COLEC11: variants seen among roughly 807,000 people sequenced by gnomAD.
COLEC11 encodes the protein collectin subfamily member 11, also known as collectin-11.
In COLEC11, 20 loss-of-function variants were observed where a neutral mutation model predicts 27.3. That is an observed-to-expected ratio of 0.73 (90% CI 0.51 to 1.06). The LOEUF (loss-of-function observed/expected upper bound fraction) is 1.06, where lower values mean the gene tolerates loss of function less well. Ranked by LOEUF, COLEC11 falls within the 50% of genes least tolerant of loss-of-function variation. The pLI, the probability that COLEC11 is intolerant of heterozygous loss-of-function variation, is 0.00. For synonymous variants in COLEC11, 163 were observed against 154.7 expected (o/e 1.05, Z -0.40); for missense variants, 310 against 383.0 (o/e 0.81, Z 1.59).
In COLEC11 at chr2:3,621,987, G is replaced by A. The variant is rs138992210; in HGVS notation, c.202+8605G>A. Among the ~76,000 whole-genome samples the A allele has an allele frequency of 4.4e-3, 671 of 152,070 alleles. 4 individuals are homozygous for A. The highest frequency in any genetic ancestry group is 0.015 in the African/African-American group (640 of 41,490). Reference sequence around the variant, plus strand: ...AGGTCAGGAGTTCAAGACCAGCCTGGCCAGCATGGTGAAACCTCGTCTCTA... The same window carrying A: ...AGGTCAGGAGTTCAAGACCAGCCTGACCAGCATGGTGAAACCTCGTCTCTA... On this transcript the variant is annotated intron_variant, in intron 3 of 6. Transcript: ENST00000349077.
chr2:3,601,729 G>C (rs13003107), intron 1 of COLEC11, among the ~76,000 whole-genome samples: 45,532 of 152,022 alleles, frequency 0.3, 7,105 homozygotes, highest in Middle Eastern at 0.46. Flanking sequence ...GCTCTCCCAC[G>C]CGCGTGCCCA....
In COLEC11 at chr2:3,602,131, G is replaced by A. The variant is rs998630127; in HGVS notation, c.-26-2184G>A. The A allele has an allele frequency of 1.3e-5, 2 of 152,214 alleles. No homozygotes were observed. The highest frequency in any genetic ancestry group is 1.9e-4 in the East Asian group (1 of 5,174). The allele number at this position is 152,214 out of a possible 1,614,324, so 9.4% of individuals were successfully genotyped here. ...CTGGCTTTTGTAGCAGGGCTCTCACGGGGCTGTTGATGTGGGAAGCCCCCC... is the reference window on the plus strand; with the variant it reads ...CTGGCTTTTGTAGCAGGGCTCTCACAGGGCTGTTGATGTGGGAAGCCCCCC... On this transcript the variant is annotated intron_variant, in intron 1 of 6. Transcript: ENST00000349077. This position sits in a 1 kb window ranked among gnomAD's most constrained non-coding sequence, Gnocchi z 6.2.
rs187520265 is a variant in COLEC11, at chr2:3,603,900, G to A, written c.-26-415G>A. The A allele has an allele frequency of 7.1e-4, 418 of 587,586 alleles. 2 individuals carry two copies. The highest frequency in any genetic ancestry group is 6.2e-3 in the African/African-American group (332 of 53,678). The allele number at this position is 587,586 out of a possible 1,614,324, so 36.4% of individuals were successfully genotyped here. ...TTGGGGCTCCTCAGGCGCCTTGGCT[G>A]TTTCCTTTAGCTGTATCTCAGCCTC... On this transcript the variant is annotated intron_variant, in intron 1 of 6. Transcript: ENST00000349077.
intron 1 of COLEC11, 198 bp from the exon 2 acceptor site, chr2:3,604,117 C>T: frequency 1.6e-6 from 1 of 640,418 alleles, no homozygotes; most frequent in Admixed American, 2.7e-5. Context: ...CTGGTGCTGA[C>T]CCTGGGGCTG....
At chr2:3,631,138 G>C (rs1664965876) in intron 3 of COLEC11, among the ~76,000 whole-genome samples, 1 of 152,008 alleles carries the variant, frequency 6.6e-6, no homozygotes, top group Admixed American at 6.6e-5. Flanking sequence ...GACTGAGGCA[G>C]GAGAATCACT....
chr2:3,643,841 C>G lies in COLEC11; in HGVS notation c.539C>G (p.Pro180Arg). 6.2e-7 allele frequency: 1 copy of G among 1,613,572 alleles called. No homozygotes were observed. The highest frequency in any genetic ancestry group is 1.1e-5 in the South Asian group (1 of 91,082). Residue 180 changes from proline to arginine, a missense_variant, in exon 7 of 7, where the codon CCC becomes CGC. Physicochemically the swap from Pro to Arg is moderately radical, Grantham distance 103. Coordinates refer to ENST00000349077, the MANE Select transcript of COLEC11 (RefSeq NM_024027.5). ...GGCCGCGGGGGCACGCTGAGCATGC[C>G]CAAGGACGAGGCTGCCAATGGCCTG... ...CQGRGGTLSMPKDEAANGLMA... is the reference protein window; with the variant it reads ...CQGRGGTLSMRKDEAANGLMA...
chr2:3,641,205 G>A, intron 5 of COLEC11: 2 of 1,301,804 alleles, frequency 1.5e-6, no homozygotes, highest in Non-Finnish European at 2.0e-6. Context: ...AAAGAGAGGG[G>A]CTGGATTTCT....
chr2:3,644,499 A>G lies in COLEC11; in HGVS notation c.*381A>G, dbSNP rs950721843. Reference sequence around the variant, plus strand: ...CTTGAATTACTACCTTTTAATTTCTATATGGAAAAGAACTCACTTTGACCA... The same window carrying G: ...CTTGAATTACTACCTTTTAATTTCTGTATGGAAAAGAACTCACTTTGACCA... On this transcript the variant is annotated 3_prime_UTR_variant, in exon 7 of 7. Transcript: ENST00000349077. The G allele has an allele frequency of 1.5e-5, 7 of 474,292 alleles. No homozygotes were observed. The highest frequency in any genetic ancestry group is 7.0e-5 in the Admixed American group (3 of 42,986). The allele number at this position is 474,292 out of a possible 1,614,324, so 29.4% of individuals were successfully genotyped here.
At chr2:3,609,807 G>T (rs1663048622) in intron 2 of COLEC11, among the ~76,000 whole-genome samples, 1 of 152,192 alleles carries the variant, frequency 6.6e-6, no homozygotes, top group African/African-American at 2.4e-5. Context: ...TGGGATTACA[G>T]GTGTGAGCCA....
intron 3 of COLEC11, among the ~76,000 whole-genome samples, chr2:3,635,231 G>T (rs750083314): frequency 6.6e-6 from 1 of 151,566 alleles, no homozygotes; most frequent in African/African-American, 2.4e-5. Context: ...CCAGCTGTGC[G>T]TGCCTCATCC....
chr2:3,615,968 G>A (rs1202693980), intron 3 of COLEC11, among the ~76,000 whole-genome samples: 2,713 of 149,956 alleles, frequency 0.018, 120 homozygotes, highest in African/African-American at 0.063. Context: ...CAGACGGGGC[G>A]GCTGCTGGGT....
chr2:3,602,436 T>C lies in COLEC11; in HGVS notation c.-26-1879T>C, dbSNP rs1662299448. The stretch of plus-strand genomic sequence containing the variant: ...CTGCTCAGAACAAAAGCTTTAATCT[T>C]TGATTTCTCTCTGTCATTTCCCACA... On this transcript the variant is annotated intron_variant, in intron 1 of 6. Coordinates refer to ENST00000349077, the MANE Select transcript of COLEC11 (RefSeq NM_024027.5). The surrounding 1 kb of genome is among the most constrained non-coding windows in gnomAD (Gnocchi z 6.2). Among the ~76,000 whole-genome samples, 1 of 152,132 alleles carries C rather than the reference T, an allele frequency of 6.6e-6. No individual in the cohort carries two copies. Among genetic ancestry groups the C allele is most frequent in the Non-Finnish European group, 1.5e-5 (1 of 68,034 alleles).
chr2:3,636,945 C>T (rs1462956995), intron 3 of COLEC11, among the ~76,000 whole-genome samples: 14 of 152,214 alleles, frequency 9.2e-5, no homozygotes, highest in Admixed American at 9.2e-4. Context: ...GGGACAGGGG[C>T]CAGCAGGTCA....
At chr2:3,612,135 T>A (rs1016747527) in intron 2 of COLEC11, among the ~76,000 whole-genome samples, 14 of 152,064 alleles carry the variant, frequency 9.2e-5, no homozygotes, top group Admixed American at 8.5e-4. Flanking sequence ...CTGGCACAAT[T>A]GTGCAGAGAG....
chr2:3,644,135 G>T lies in COLEC11; in HGVS notation c.*17G>T. The T allele has an allele frequency of 6.2e-7, 1 of 1,604,782 alleles. No homozygotes were observed. On this transcript the variant is annotated 3_prime_UTR_variant, in exon 7 of 7. Coordinates refer to ENST00000349077, the MANE Select transcript of COLEC11 (RefSeq NM_024027.5). ...AACATGTGAGCCTCAGGCTGGGGCT[G>T]CCCATTGGGGGCCCCACATGTCCCT...
At chr2:3,631,196 A>T (rs1264589992) in intron 3 of COLEC11, among the ~76,000 whole-genome samples, 1 of 151,884 alleles carries the variant, frequency 6.6e-6, no homozygotes, top group Non-Finnish European at 1.5e-5. Flanking sequence ...GCACTACTGC[A>T]CTCCAGCCTG....
rs577671414 is a variant in COLEC11 at position 3,643,844 on chromosome 2, A to G, written c.542A>G (p.Lys181Arg). 5.0e-6 allele frequency: 8 copies of G among 1,613,588 alleles called. No individual in the cohort carries two copies. In the South Asian group the frequency reaches 6.6e-5, roughly 13 times the overall value. The change falls in exon 7 of 7, where the codon AAG (lysine) becomes AGG (arginine). Residue 181 changes from lysine to arginine, a missense_variant. Physicochemically the swap from Lys to Arg is conservative, Grantham distance 26. Coordinates refer to ENST00000349077, the MANE Select transcript of COLEC11 (RefSeq NM_024027.5). ...CGCGGGGGCACGCTGAGCATGCCCA[A>G]GGACGAGGCTGCCAATGGCCTGATG... The part of the protein sequence containing the change: ...QGRGGTLSMP[K>R]DEAANGLMAA...
Position 3,643,923 on chromosome 2 carries a change from C to T in COLEC11, c.621C>T (p.Asp207=). 1.2e-6 allele frequency: 2 copies of T among 1,614,128 alleles called. No individual in the cohort carries two copies. Among genetic ancestry groups the T allele is most frequent in the South Asian group, 1.1e-5 (1 of 91,090 alleles). ...CCCGTGTCTTCATCGGCATCAACGA[C>T]CTGGAGAAGGAGGGCGCCTTCGTGT... ...GLARVFIGIN[D]LEKEGAFVYS... Residue 207 remains aspartate (D), a synonymous_variant, in exon 7 of 7, where the codon GAC becomes GAT. Transcript: ENST00000349077.
At chr2:3,596,917 A>G (rs1388029887) in intron 1 of COLEC11, among the ~76,000 whole-genome samples, 1 of 152,244 alleles carries the variant, frequency 6.6e-6, no homozygotes, top group African/African-American at 2.4e-5. Flanking sequence ...CCCTGTGCCT[A>G]CCTGCCCTGG....
Sources: allele counts gnomAD v4.1 joint callset (sites outside exome capture counted in the v4.1 genomes callset), GRCh38; gene constraint gnomAD v4.1.1; non-coding constraint Gnocchi (gnomAD v3.1); transcripts MANE v1.5; gene names NCBI Gene and HGNC (gene_info 2026-07-23, HGNC 2026-07-21).